KPTN: variants seen among roughly 807,000 people sequenced by gnomAD.
The protein encoded by KPTN is kaptin, actin binding protein.
Under a neutral mutation model 52.6 loss-of-function variants are expected in KPTN, and 36 were observed. That is an observed-to-expected ratio of 0.68 (90% CI 0.52 to 0.90). The LOEUF (loss-of-function observed/expected upper bound fraction) is 0.90. Ranked by LOEUF, KPTN falls within the 40% of genes least tolerant of loss-of-function variation. The pLI is 0.00. For missense variants in KPTN, 529 were observed against 576.2 expected (o/e 0.92, Z 0.84); for synonymous variants, 271 against 248.4 (o/e 1.09, Z -0.85).
chr19:47,478,542 C>A (rs1252381130), intron 8 of KPTN, among the ~76,000 whole-genome samples: 3 of 118,228 alleles, frequency 2.5e-5, no homozygotes, highest in Non-Finnish European at 4.9e-5. Flanking sequence ...TGTGCCACTG[C>A]AACCAGCCTG....
chr19:47,475,343 A>G lies in KPTN; in HGVS notation c.*73T>C, dbSNP rs1402556195. 8.4e-6 allele frequency: 13 copies of G among 1,545,328 alleles called. No individual in the cohort carries two copies. Among genetic ancestry groups the G allele is most frequent in the South Asian group, 1.2e-5 (1 of 83,706 alleles). ...GGGAGAGCATCCTGTCCTTCAGGAC[A>G]CCCCCCACCAGCGGCTGGAGGTGAG... On this transcript the variant is annotated 3_prime_UTR_variant, in exon 12 of 12. Transcript: ENST00000338134.
At chr19:47,482,755 G>A (rs1967927851) in intron 4 of KPTN, among the ~76,000 whole-genome samples, 1 of 151,922 alleles carries the variant, frequency 6.6e-6, no homozygotes, top group South Asian at 2.1e-4. Flanking sequence ...ACCCAGGTTG[G>A]AGTGCTGTGG....
At chr19:47,477,067 T>G in intron 9 of KPTN, 129 bp from the exon 10 acceptor site, 1 of 928,558 alleles carries the variant, frequency 1.1e-6, no homozygotes, top group South Asian at 1.7e-5. Context: ...TCCGGAAGCC[T>G]AGACATCATC....
chr19:47,481,141 G>T (rs868590185), intron 4 of KPTN, 108 bp from the exon 5 acceptor site: 9 of 850,642 alleles, frequency 1.1e-5, no homozygotes, highest in Middle Eastern at 2.2e-4. Flanking sequence ...TAACATTCTG[G>T]GATCCAGACA....
intron 9 of KPTN, among the ~76,000 whole-genome samples, chr19:47,477,485 CA>C (rs1178626016): frequency 6.6e-6 from 1 of 152,124 alleles, no homozygotes; most frequent in Non-Finnish European, 1.5e-5. Flanking sequence ...ACATCTACTC[CA>C]GGGGGCACAG....
chr19:47,484,176 A>C lies in KPTN; in HGVS notation c.-16T>G, dbSNP rs1967997522. The C allele has an allele frequency of 6.3e-7, 1 of 1,587,212 alleles. No homozygotes were observed. Among genetic ancestry groups the C allele is most frequent in the East Asian group, 2.3e-5 (1 of 44,440 alleles). ...CCCCCATCATGCCCCTCAGTTAAGC[A>C]CCCTCTCCGCAGCCCCCGCCCCAAC... is the stretch of plus-strand genomic sequence containing the variant. On this transcript the variant is annotated 5_prime_UTR_variant, in exon 1 of 12. Coordinates refer to ENST00000338134, the MANE Select transcript of KPTN (RefSeq NM_007059.4).
Position 47,477,741 on chromosome 19 carries a change from G to A in KPTN, c.828C>T (p.Leu276=), listed in dbSNP as rs750017002. 10 of 1,613,602 alleles carry A rather than the reference G, an allele frequency of 6.2e-6. No homozygotes were observed. In the East Asian group the frequency reaches 1.1e-4, roughly 18 times the overall value. The change falls in exon 9 of 12, where the codon CTC becomes CTT. Residue 276 remains leucine, a synonymous_variant. Transcript: ENST00000338134. ...DRPLQDEYSV[L]VASMLEPAVV... ...CTGCTGGCTCCAACATGCTGGCCAC[G>A]AGCACGCTGTACTCATCTTGTAGTG...
At chr19:47,481,871 T>C (rs1967888788) in intron 4 of KPTN, among the ~76,000 whole-genome samples, 1 of 152,232 alleles carries the variant, frequency 6.6e-6, no homozygotes, top group Non-Finnish European at 1.5e-5. Flanking sequence ...TTTGGGGTTC[T>C]AGCACCTTGG....
chr19:47,483,779 G>A (rs1967974028), intron 1 of KPTN, 156 bp downstream of exon 1: 3 of 1,090,952 alleles, frequency 2.7e-6, no homozygotes, highest in Admixed American at 5.1e-5. Context: ...AGGCTCATCC[G>A]GGCCCCAACT....
intron 4 of KPTN, chr19:47,481,534 G>A (rs1967878389): frequency 1.9e-5 from 3 of 155,116 alleles, no homozygotes; most frequent in Non-Finnish European, 2.9e-5. Flanking sequence ...TCCTAGCAAG[G>A]AGAACATTAG....
chr19:47,483,669 G>T, intron 1 of KPTN, 85 bp from the exon 2 acceptor site: 1 of 1,064,758 alleles, frequency 9.4e-7, no homozygotes, highest in Non-Finnish European at 1.4e-6. Flanking sequence ...CTACCGCAAT[G>T]ATCATGCCCT....
At position 47,477,204 on chromosome 19, in the gene KPTN, T is replaced by A. The variant is rs544673842; in HGVS notation, c.864-266A>T. ...TGTCCCATCTGAGGATTCAGATGCA[T>A]GTGTCCTCAATTTAGACACCCACGC... On this transcript the variant is annotated intron_variant, in intron 9 of 11. Transcript: ENST00000338134. 5.9e-5 allele frequency among the ~76,000 whole-genome samples: 9 copies of A among 152,338 alleles called. No homozygotes were observed. The South Asian group carries it at 1.9e-3, about 32-fold the overall frequency.
intron 7 of KPTN, 49 bp from the exon 8 acceptor site, chr19:47,479,989 C>G (rs1369118983): frequency 1.3e-6 from 2 of 1,484,598 alleles, no homozygotes; most frequent in Non-Finnish European, 9.2e-7. Flanking sequence ...CCGGTCCCGC[C>G]CGCAGCCCTG....
chr19:47,479,849 AAC>A lies in KPTN; in HGVS notation c.787+12_787+13del. Reference sequence around the variant, plus strand: ...CACCCGCTCTCTCCCCATCCCCTCAAACCCAGAGCTCACCCTTGGCGGCCGAG... The same window carrying A: ...CACCCGCTCTCTCCCCATCCCCTCAACCAGAGCTCACCCTTGGCGGCCGAG... On this transcript the variant is annotated intron_variant, in intron 8 of 11. Coordinates refer to ENST00000338134, the MANE Select transcript of KPTN (RefSeq NM_007059.4). 1 of 1,611,080 alleles carries A rather than the reference AAC, an allele frequency of 6.2e-7. No homozygotes were observed. Among genetic ancestry groups the A allele is most frequent in the Non-Finnish European group, 8.5e-7 (1 of 1,177,840 alleles).
In KPTN at chr19:47,480,746, G is replaced by A. The variant is rs370547502; in HGVS notation, c.599+14C>T. Reference sequence around the variant, plus strand: ...GCCCCGGTCCCCAGTGGCCTCTTTCGGGGCCTCTCCTACCTACTGGTCAGG... The same window carrying A: ...GCCCCGGTCCCCAGTGGCCTCTTTCAGGGCCTCTCCTACCTACTGGTCAGG... On this transcript the variant is annotated intron_variant, in intron 6 of 11. Transcript: ENST00000338134. 6.1e-5 allele frequency: 99 copies of A among 1,613,012 alleles called. No individual in the cohort carries two copies. Among genetic ancestry groups the A allele is most frequent in the Non-Finnish European group, 7.8e-5 (92 of 1,179,334 alleles).
chr19:47,485,434 T>C (rs1968043834), upstream of KPTN, among the ~76,000 whole-genome samples: 1 of 152,206 alleles, frequency 6.6e-6, no homozygotes, highest in South Asian at 2.1e-4. Context: ...TGTGCTGCTT[T>C]GTCCCTAGAA....
At position 47,475,464 on chromosome 19, in the gene KPTN, C is replaced by T. The variant is rs575461850; in HGVS notation, c.1263G>A (p.Gly421=). 1.9e-6 allele frequency: 3 copies of T among 1,613,526 alleles called. No individual in the cohort carries two copies. The highest frequency in any genetic ancestry group is 1.7e-4 in the Middle Eastern group (1 of 6,060). ...GCCCTGCACCTGCCCCGTCCTCCAA[C>T]CCCTGTAGCCGACGTCTCCTCTGCT... ...QVEQRRRRLQ[G]LEDGAGAGPA... The change falls in exon 12 of 12, where the codon GGG becomes GGA. Residue 421 remains glycine (G), a synonymous_variant. Coordinates refer to ENST00000338134, the MANE Select transcript of KPTN (RefSeq NM_007059.4).
intron 11 of KPTN, chr19:47,476,319 T>TAATA (rs932691929): frequency 9.0e-5 from 30 of 333,808 alleles, no homozygotes; most frequent in Middle Eastern, 7.1e-4. Context: ...AAAAATAAAA[T>TAATA]AATAAATAAA....
chr19:47,482,497 A>AG (rs1482400177), intron 4 of KPTN, among the ~76,000 whole-genome samples: 2 of 141,752 alleles, frequency 1.4e-5, no homozygotes, highest in African/African-American at 2.6e-5. Flanking sequence ...AAAAAAAAAG[A>AG]AAGAAAAAAA....
Sources: allele counts gnomAD v4.1 joint callset (sites outside exome capture counted in the v4.1 genomes callset), GRCh38; gene constraint gnomAD v4.1.1; transcripts MANE v1.5; gene names NCBI Gene and HGNC (gene_info 2026-07-23, HGNC 2026-07-21).